The following STK39 variants were observed in gnomAD, a reference collection of about 807,000 sequenced individuals.
The protein encoded by STK39 is STE20/SPS1-related proline-alanine-rich protein kinase.
Under a neutral mutation model 77.8 loss-of-function variants are expected in STK39, and 20 were observed. The observed-to-expected ratio is 0.26, with a 90% CI of 0.18 to 0.37. The LOEUF (loss-of-function observed/expected upper bound fraction) is 0.37, where lower values mean the gene tolerates loss of function less well. STK39 is among the 10% of genes least tolerant of loss of function. STK39 has a pLI of 1.00. For missense variants in STK39, 479 were observed against 656.5 expected, an observed-to-expected ratio of 0.73 and a Z score of 2.95; for synonymous variants, 246 against 234.1, an observed-to-expected ratio of 1.05 and a Z score of -0.47.
At chr2:168,104,793 G>C (rs1686926102) in intron 10 of STK39, among the ~76,000 whole-genome samples, 1 of 152,102 alleles carries the variant, frequency 6.6e-6, no homozygotes, top group African/African-American at 2.4e-5. Flanking sequence ...CTTTGACCTT[G>C]CATTTCCAGT....
intron 1 of STK39, among the ~76,000 whole-genome samples, chr2:168,207,522 G>T (rs6727157): frequency 0.074 from 11,188 of 152,182 alleles, 976 homozygotes; most frequent in East Asian, 0.24. Flanking sequence ...CTGCCCTATG[G>T]GATGTACTCA....
intron 14 of STK39, among the ~76,000 whole-genome samples, chr2:168,040,873 A>G (rs886493184): frequency 7.2e-5 from 11 of 152,212 alleles, no homozygotes; most frequent in Non-Finnish European, 1.6e-4. Flanking sequence ...TTATAGAGTA[A>G]GCACTTAAAA....
chr2:167,975,387 G>A (rs540256273), intron 16 of STK39, among the ~76,000 whole-genome samples: 1 of 152,192 alleles, frequency 6.6e-6, no homozygotes, highest in Admixed American at 6.5e-5. Context: ...GGGATGAGGA[G>A]TATCAGAGAG....
chr2:168,226,832 T>C (rs2030164), intron 1 of STK39, among the ~76,000 whole-genome samples: 58,301 of 152,042 alleles, frequency 0.38, 12,071 homozygotes, highest in Non-Finnish European at 0.48. Context: ...CCACTGGCCC[T>C]GGCCATCTGA....
intron 14 of STK39, among the ~76,000 whole-genome samples, chr2:168,039,095 C>T (rs137976814): frequency 1.3e-5 from 2 of 151,856 alleles, no homozygotes; most frequent in South Asian, 2.1e-4. Flanking sequence ...ATGTTCATAG[C>T]AGCATTATTC....
chr2:168,109,070 A>T (rs1687054360), intron 10 of STK39, among the ~76,000 whole-genome samples: 1 of 152,168 alleles, frequency 6.6e-6, no homozygotes, highest in Admixed American at 6.5e-5. Flanking sequence ...TACTGAACAG[A>T]GTGTCATGAC....
chr2:168,067,217 G>A (rs1335260730), intron 12 of STK39, among the ~76,000 whole-genome samples: 1 of 152,062 alleles, frequency 6.6e-6, no homozygotes, highest in African/African-American at 2.4e-5. Context: ...GTGAGACTCT[G>A]TCTCAAAAAA....
intron 10 of STK39, among the ~76,000 whole-genome samples, chr2:168,117,760 T>G (rs544803170): frequency 6.6e-6 from 1 of 152,198 alleles, no homozygotes; most frequent in South Asian, 2.1e-4. Context: ...AAGGCCGAGG[T>G]GGCCCGTGGC....
At chr2:168,069,968 ACT>A (rs1393458266) in intron 12 of STK39, among the ~76,000 whole-genome samples, 1 of 152,194 alleles carries the variant, frequency 6.6e-6, no homozygotes, top group African/African-American at 2.4e-5. Flanking sequence ...AGTCAATTTC[ACT>A]TTTTATGTAG....
chr2:168,083,546 A>G (rs186138851), intron 10 of STK39, among the ~76,000 whole-genome samples: 26 of 152,208 alleles, frequency 1.7e-4, no homozygotes, highest in African/African-American at 6.0e-4. Context: ...TAAAAGACAT[A>G]AATACTATAA....
intron 2 of STK39, among the ~76,000 whole-genome samples, chr2:168,176,774 AT>A (rs1446579614): frequency 1.3e-5 from 2 of 152,180 alleles, no homozygotes; most frequent in Non-Finnish European, 2.9e-5. Context: ...GGAGAAAAAA[AT>A]GATACACTGT....
chr2:168,055,427 A>G (rs1346736674), intron 14 of STK39, among the ~76,000 whole-genome samples: 2 of 152,258 alleles, frequency 1.3e-5, no homozygotes, highest in African/African-American at 4.8e-5. Flanking sequence ...AGTATGCAAC[A>G]ATTGTCATGC....
intron 14 of STK39, among the ~76,000 whole-genome samples, chr2:168,057,328 G>A (rs2105375274): frequency 6.6e-6 from 1 of 152,278 alleles, no homozygotes; most frequent in African/African-American, 2.4e-5. Context: ...GAGTAGCTGG[G>A]ATTATAGCCA....
chr2:168,129,653 AT>A (rs1234093864), intron 9 of STK39, 47 bp from the exon 10 acceptor site: 1 of 1,614,000 alleles, frequency 6.2e-7, no homozygotes, highest in Non-Finnish European at 8.5e-7. Context: ...TATGATACAC[AT>A]AAATACACAG....
At chr2:168,086,184 C>T (rs769969321) in intron 10 of STK39, among the ~76,000 whole-genome samples, 5 of 152,180 alleles carry the variant, frequency 3.3e-5, no homozygotes, top group Admixed American at 6.5e-5. Flanking sequence ...ATTTTGTATA[C>T]TTAGTGATTC....
intron 2 of STK39, among the ~76,000 whole-genome samples, chr2:168,170,222 G>A (rs1256343437): frequency 6.6e-6 from 1 of 152,184 alleles, no homozygotes; most frequent in South Asian, 2.1e-4. Flanking sequence ...AAGCTCCCTT[G>A]GTAACAATCT....
chr2:168,191,417 T>C (rs2105652119), intron 1 of STK39, among the ~76,000 whole-genome samples: 1 of 152,222 alleles, frequency 6.6e-6, no homozygotes, highest in East Asian at 1.9e-4. Context: ...AATTGGTGTC[T>C]AAGCCCCAGT....
chr2:168,029,456 A>G (rs976351162), intron 14 of STK39, among the ~76,000 whole-genome samples: 1 of 152,358 alleles, frequency 6.6e-6, no homozygotes, highest in Admixed American at 6.5e-5. Flanking sequence ...AATGTCTTCA[A>G]CCATATGGTG....
At chr2:168,214,256 C>CAACAA (rs1553542915) in intron 1 of STK39, among the ~76,000 whole-genome samples, 2 of 149,508 alleles carry the variant, frequency 1.3e-5, no homozygotes, top group Non-Finnish European at 3.0e-5. Flanking sequence ...ACAACAACAA[C>CAACAA]AAAAAAAAAA....
Sources: allele counts gnomAD v4.1 joint callset (sites outside exome capture counted in the v4.1 genomes callset), GRCh38; gene constraint gnomAD v4.1.1; transcripts MANE v1.5; gene names NCBI Gene and HGNC (gene_info 2026-07-23, HGNC 2026-07-21).